The following RPRD2 variants were observed in gnomAD, a reference collection of about 807,000 sequenced individuals.
RPRD2 encodes regulation of nuclear pre-mRNA domain containing 2, also known as regulation of nuclear pre-mRNA domain-containing protein 2.
Under a neutral mutation model 104.4 loss-of-function variants are expected in RPRD2, and 12 were observed. The observed-to-expected ratio is 0.11, with a 90% confidence interval of 0.07 to 0.19. The LOEUF (loss-of-function observed/expected upper bound fraction) is 0.19, where lower values mean the gene tolerates loss of function less well. Among genes scored for constraint, RPRD2 ranks in the 10% least tolerant of loss-of-function variants. The pLI is 1.00. For synonymous variants in RPRD2, 714 were observed against 684.9 expected (o/e 1.04, Z -0.66); for missense variants, 1,543 against 1,790.1 (o/e 0.86, Z 2.49).
At chr1:150,393,372 C>T (rs782788891) in intron 1 of RPRD2, among the ~76,000 whole-genome samples, 2 of 142,970 alleles carry the variant, frequency 1.4e-5, no homozygotes. Context: ...GTGGATGGAT[C>T]GATTGAGTCC....
intron 1 of RPRD2, among the ~76,000 whole-genome samples, chr1:150,365,871 G>A (rs1553877078): frequency 6.6e-6 from 1 of 152,116 alleles, no homozygotes; most frequent in African/African-American, 2.4e-5. Context: ...GATTACAGAC[G>A]TGAGCCCCCC....
In RPRD2 at chr1:150,470,855, A is replaced by G. The variant is rs1284427233; in HGVS notation, c.1907A>G (p.Asn636Ser). 3 of 1,613,970 alleles carry G rather than the reference A, an allele frequency of 1.9e-6. No individual in the cohort carries two copies. The highest frequency in any genetic ancestry group is 2.2e-5 in the East Asian group (1 of 44,882). Residue 636 changes from asparagine (N) to serine (S), a missense_variant, in exon 11 of 11, where the codon AAT becomes AGT. Physicochemically the swap from Asn to Ser is conservative, Grantham distance 46. Transcript: ENST00000369068. ...TCTTTGGGGTTTACAGCTACCCACA[A>G]TACTAGCCCTGCTGCCCCACCTACT... ...SNSLGFTATH[N>S]TSPAAPPTEV...
rs782426118 is a variant in RPRD2, at chr1:150,464,599, C to T, written c.1484C>T (p.Thr495Ile). 3 of 1,608,836 alleles carry T rather than the reference C, an allele frequency of 1.9e-6. No individual in the cohort carries two copies. The highest frequency in any genetic ancestry group is 2.5e-6 in the Non-Finnish European group (3 of 1,177,676). Residue 495 changes from threonine (T) to isoleucine (I), a missense_variant, in exon 10 of 11, where the codon ACA becomes ATA. Thr to Ile is a moderately conservative substitution (Grantham distance 89). Around this residue, in one of 4 missense-constraint regions of RPRD2, gnomAD observed 572 missense variants for 787.3 expected, o/e 0.73. Coordinates refer to ENST00000369068, the MANE Select transcript of RPRD2 (RefSeq NM_015203.5). ...AGCAACCTCACCAGTGGCCTGAAAACACCTGCACCTGCCACGACAACATCT... is the reference window on the plus strand; with the variant it reads ...AGCAACCTCACCAGTGGCCTGAAAATACCTGCACCTGCCACGACAACATCT... ...SPSNLTSGLKTPAPATTTSHN... is the reference protein window; with the variant it reads ...SPSNLTSGLKIPAPATTTSHN...
intron 1 of RPRD2, among the ~76,000 whole-genome samples, chr1:150,373,504 T>G (rs1660472851): frequency 7.0e-6 from 1 of 143,184 alleles, no homozygotes; most frequent in Admixed American, 7.0e-5. Context: ...AAATGTGGGG[T>G]GAGAGAGGAG....
chr1:150,427,479 A>T (rs1453751272), intron 2 of RPRD2, among the ~76,000 whole-genome samples: 1 of 142,774 alleles, frequency 7.0e-6, no homozygotes, highest in Admixed American at 6.8e-5. Flanking sequence ...TCTCAAAAAA[A>T]AAAAAAAAGA....
chr1:150,457,605 C>T (rs782122595), intron 8 of RPRD2, 35 bp downstream of exon 8: 43 of 1,589,728 alleles, frequency 2.7e-5, no homozygotes, highest in East Asian at 2.2e-5. Flanking sequence ...CAACTTATTC[C>T]TTATCTGTTT....
intron 7 of RPRD2, among the ~76,000 whole-genome samples, chr1:150,456,829 G>A (rs587717507): frequency 6.6e-5 from 10 of 151,990 alleles, no homozygotes; most frequent in Non-Finnish European, 1.5e-4. Context: ...GGAGGCCGAG[G>A]CAGGAGAATC....
chr1:150,473,036 G>A lies in RPRD2; in HGVS notation c.4088G>A (p.Ser1363Asn). The part of the protein sequence containing the change: ...TQRDLNGPGL[S>N]RVRESLTLPS... ...CGGGACCTCAACGGCCCTGGCCTTA[G>A]CCGTGTACGAGAGAGCCTCACCCTA... Residue 1363 changes from serine to asparagine, a missense_variant, in exon 11 of 11, where the codon AGC becomes AAC. By Grantham distance (46) the Ser-to-Asn change is conservative. This residue lies in a region of RPRD2 where 880 missense variants were observed against 885.6 expected (regional missense o/e 0.99). Transcript: ENST00000369068. 1 of 1,614,034 alleles carries A rather than the reference G, an allele frequency of 6.2e-7. No homozygotes were observed. The highest frequency in any genetic ancestry group is 8.5e-7 in the Non-Finnish European group (1 of 1,179,898).
At chr1:150,376,789 C>T (rs997565447) in intron 1 of RPRD2, among the ~76,000 whole-genome samples, 9 of 151,186 alleles carry the variant, frequency 6.0e-5, no homozygotes, top group Non-Finnish European at 1.2e-4. Context: ...CGTGAGCCAC[C>T]GCGCCCGGCC....
intron 1 of RPRD2, among the ~76,000 whole-genome samples, chr1:150,378,498 A>G (rs1660884523): frequency 6.6e-6 from 1 of 152,080 alleles, no homozygotes. Flanking sequence ...TGTTCCATGG[A>G]CAGTGTGGTA....
In RPRD2 at chr1:150,443,754, C is replaced by G. The variant is rs2102362997; in HGVS notation, c.567+471C>G. 2.6e-5 allele frequency among the ~76,000 whole-genome samples: 4 copies of G among 152,100 alleles called. No homozygotes were observed. In the Middle Eastern group the frequency reaches 0.014, roughly 517 times the overall value. Reference sequence around the variant, plus strand: ...GGCGCGGTGGCTCACGCCTGTAATCCCAGCACTTTGGGAGGCCGAGGTGGG... The same window carrying G: ...GGCGCGGTGGCTCACGCCTGTAATCGCAGCACTTTGGGAGGCCGAGGTGGG... On this transcript the variant is annotated intron_variant, in intron 5 of 10. Transcript: ENST00000369068.
intron 1 of RPRD2, among the ~76,000 whole-genome samples, chr1:150,374,646 C>T (rs1553879125): frequency 6.6e-6 from 1 of 152,104 alleles, no homozygotes; most frequent in East Asian, 1.9e-4. Flanking sequence ...GAATTGCTTG[C>T]TTGGTGTGTG....
rs1667039048 is a variant in RPRD2, at chr1:150,449,904, CATT to C, written c.870+3504_870+3506del. The stretch of plus-strand genomic sequence containing the variant: ...TCACATTAGTATGTATATTGGATCT[CATT>C]GTTGTGTTCCAAATGCCTTTTTTTA... On this transcript the variant is annotated intron_variant, in intron 7 of 10. Coordinates refer to ENST00000369068, the MANE Select transcript of RPRD2 (RefSeq NM_015203.5). Among the ~76,000 whole-genome samples, 6 of 152,164 alleles carry C rather than the reference CATT, an allele frequency of 3.9e-5. No homozygotes were observed. In the South Asian group the frequency reaches 1.0e-3, roughly 26 times the overall value.
intron 9 of RPRD2, among the ~76,000 whole-genome samples, chr1:150,462,996 G>A (rs1030788522): frequency 6.6e-5 from 10 of 152,138 alleles, no homozygotes; most frequent in Non-Finnish European, 1.3e-4. Flanking sequence ...GAGATCACAC[G>A]TGTGCACCAC....
At chr1:150,430,755 C>T (rs1447307390) in intron 2 of RPRD2, among the ~76,000 whole-genome samples, 4 of 152,182 alleles carry the variant, frequency 2.6e-5, no homozygotes, top group Admixed American at 2.6e-4. Flanking sequence ...CATGGAGAAA[C>T]CCCGTCTCTA....
chr1:150,378,688 A>G (rs190259594), intron 1 of RPRD2, among the ~76,000 whole-genome samples: 1 of 152,234 alleles, frequency 6.6e-6, no homozygotes, highest in East Asian at 1.9e-4. Flanking sequence ...ATTAAGAAAT[A>G]ATTTATTGGC....
intron 1 of RPRD2, among the ~76,000 whole-genome samples, chr1:150,415,603 C>G (rs1002854232): frequency 3.3e-5 from 5 of 152,018 alleles, no homozygotes; most frequent in Non-Finnish European, 7.4e-5. Context: ...GGAGGATCAC[C>G]TGAGCCCAAG....
Position 150,457,386 on chromosome 1 carries a change from C to G in RPRD2, c.969C>G (p.Ser323=), listed in dbSNP as rs782812488. The change falls in exon 8 of 11, where the codon TCC becomes TCG. Residue 323 remains serine (S), a synonymous_variant. Transcript: ENST00000369068. ...LPDPEESPVP[S]PSMDAPSPTG... ...ATCCTGAAGAATCACCAGTTCCTTC[C>G]CCAAGCATGGACGCTCCCTCCCCGA... 8 of 1,613,498 alleles carry G rather than the reference C, an allele frequency of 5.0e-6. No individual in the cohort carries two copies. The South Asian group carries it at 7.7e-5, about 16-fold the overall frequency.
chr1:150,399,756 C>CAAAA (rs35551359), intron 1 of RPRD2, among the ~76,000 whole-genome samples: 2 of 127,038 alleles, frequency 1.6e-5, no homozygotes. Context: ...GACCCCATCT[C>CAAAA]AAAAAAAAAA....
Sources: allele counts gnomAD v4.1 joint callset (sites outside exome capture counted in the v4.1 genomes callset), GRCh38; gene constraint gnomAD v4.1.1; regional missense constraint gnomAD v4.1.1; transcripts MANE v1.5; gene names NCBI Gene and HGNC (gene_info 2026-07-23, HGNC 2026-07-21).